Variants in MEIS2 observed in about 807,000 individuals in gnomAD.
MEIS2 encodes the protein Meis homeobox 2, also known as homeobox protein Meis2.
Under a neutral mutation model 58.6 loss-of-function variants are expected in MEIS2, and 9 were observed. The observed-to-expected ratio is 0.15, with a 90% CI of 0.09 to 0.27. The LOEUF is 0.27. Among genes scored for constraint, MEIS2 ranks in the 10% least tolerant of loss-of-function variants. MEIS2 has a pLI of 1.00. For missense variants in MEIS2, 427 were observed against 635.0 expected, an observed-to-expected ratio of 0.67 and a Z score of 3.52; for synonymous variants, 221 against 228.4, an observed-to-expected ratio of 0.97 and a Z score of 0.29.
intron 9 of MEIS2, among the ~76,000 whole-genome samples, chr15:36,914,760 A>G (rs2141277539): frequency 6.6e-6 from 1 of 152,070 alleles, no homozygotes; most frequent in African/African-American, 2.4e-5. Context: ...AAGAAACCTT[A>G]ACCTCTATTT....
At chr15:37,064,960 T>C (rs1889720740) in intron 7 of MEIS2, among the ~76,000 whole-genome samples, 1 of 152,210 alleles carries the variant, frequency 6.6e-6, no homozygotes, top group Non-Finnish European at 1.5e-5. Flanking sequence ...ATGTGCTTTT[T>C]AGATCTTTAG....
intron 9 of MEIS2, chr15:36,896,937 C>G: frequency 2.6e-6 from 1 of 383,072 alleles, no homozygotes; most frequent in Non-Finnish European, 4.7e-6. Context: ...CATGAGAAAG[C>G]TTCTATTAAC....
At chr15:36,934,179 A>G (rs150154443) in intron 9 of MEIS2, among the ~76,000 whole-genome samples, 1 of 152,300 alleles carries the variant, frequency 6.6e-6, no homozygotes. Context: ...GACTAGAGCC[A>G]GGAAGAAATA....
At chr15:37,036,997 CG>C in intron 7 of MEIS2, 38 bp from the exon 8 acceptor site, 1 of 1,566,456 alleles carries the variant, frequency 6.4e-7, no homozygotes, top group Non-Finnish European at 8.6e-7. Context: ...GAGAAAACAT[CG>C]CAAGGTGCCA....
chr15:36,921,811 A>C (rs1047990812), intron 9 of MEIS2, among the ~76,000 whole-genome samples: 6 of 152,248 alleles, frequency 3.9e-5, no homozygotes, highest in Admixed American at 1.3e-4. Flanking sequence ...CAAAGACTCA[A>C]GTGCTGGTTG....
intron 8 of MEIS2, among the ~76,000 whole-genome samples, chr15:36,962,932 GC>G: frequency 6.6e-6 from 1 of 152,196 alleles, no homozygotes; most frequent in Non-Finnish European, 1.5e-5. Context: ...TATTGATTAT[GC>G]TTTATCTAAA....
chr15:36,895,055 AC>A, intron 11 of MEIS2, 95 bp downstream of exon 11: 2 of 1,090,556 alleles, frequency 1.8e-6, no homozygotes, highest in South Asian at 2.9e-5. Context: ...CAAATGTTAA[AC>A]CCACCATGAC....
intron 8 of MEIS2, among the ~76,000 whole-genome samples, chr15:36,995,706 TAAAAAAAA>T (rs71821151): frequency 1.2e-3 from 5 of 4,122 alleles, no homozygotes; most frequent in African/African-American, 5.6e-3. Context: ...TTACAGCTAC[TAAAAAAAA>T]AAAAAAAAAA....
chr15:36,970,384 A>C (rs994311112), intron 8 of MEIS2, among the ~76,000 whole-genome samples: 1 of 149,840 alleles, frequency 6.7e-6, no homozygotes, highest in African/African-American at 2.5e-5. Flanking sequence ...AGCCTGGGCG[A>C]CAGAGCAAGA....
chr15:36,892,530 G>GAAAA, intron 11 of MEIS2, 71 bp from the exon 12 acceptor site: 14 of 528,054 alleles, frequency 2.7e-5, no homozygotes, highest in South Asian at 9.0e-5. Flanking sequence ...CATCAAAGAT[G>GAAAA]AAAAGAAAAA....
At chr15:37,070,577 C>T (rs1028673632) in intron 7 of MEIS2, among the ~76,000 whole-genome samples, 1 of 152,142 alleles carries the variant, frequency 6.6e-6, no homozygotes, top group Non-Finnish European at 1.5e-5. Context: ...CTGCAGCTTT[C>T]AATCTATTTA....
intron 9 of MEIS2, among the ~76,000 whole-genome samples, chr15:36,934,551 C>G (rs1463945527): frequency 6.6e-6 from 1 of 152,186 alleles, no homozygotes; most frequent in Non-Finnish European, 1.5e-5. Context: ...AAATACCGTT[C>G]AACGGGCACC....
At chr15:36,967,318 A>T (rs1466851356) in intron 8 of MEIS2, among the ~76,000 whole-genome samples, 3 of 152,172 alleles carry the variant, frequency 2.0e-5, no homozygotes, top group Non-Finnish European at 4.4e-5. Flanking sequence ...GGGTATGTTA[A>T]TTGAATGAGG....
chr15:37,057,349 T>G (rs1888572008), intron 7 of MEIS2, among the ~76,000 whole-genome samples: 1 of 152,160 alleles, frequency 6.6e-6, no homozygotes, highest in African/African-American at 2.4e-5. Context: ...AACAGAACAG[T>G]TTTTTTCTCA....
chr15:37,094,115 T>C (rs139875386), intron 5 of MEIS2: 4 of 261,164 alleles, frequency 1.5e-5, no homozygotes, highest in Non-Finnish European at 2.9e-5. Context: ...AGGGGTTTCG[T>C]ATGTTTCCAG....
At position 36,933,513 on chromosome 15, in the gene MEIS2, G is replaced by A. The variant is rs188532468; in HGVS notation, c.977+16811C>T. Among the ~76,000 whole-genome samples the A allele has an allele frequency of 5.5e-5, 8 of 146,754 alleles. 1 individual carries two copies. The East Asian group carries it at 1.7e-3, about 31-fold the overall frequency. ...CATTGAGAAATTGATACCTCAGAAA[G>A]AGATAATCCTTTTTAATGAATCCCA... On this transcript the variant is annotated intron_variant, in intron 9 of 11. Transcript: ENST00000561208.
chr15:36,949,152 A>G (rs2058670544), intron 9 of MEIS2, among the ~76,000 whole-genome samples: 1 of 151,800 alleles, frequency 6.6e-6, no homozygotes, highest in Non-Finnish European at 1.5e-5. Flanking sequence ...CATTAAAGTC[A>G]GATAACGGCA....
chr15:36,924,651 A>C (rs1382864195), intron 9 of MEIS2, among the ~76,000 whole-genome samples: 1 of 152,166 alleles, frequency 6.6e-6, no homozygotes. Flanking sequence ...ACCGAACTTG[A>C]CCATGACTGG....
chr15:36,999,794 G>A (rs1170449079), intron 8 of MEIS2, among the ~76,000 whole-genome samples: 1 of 152,218 alleles, frequency 6.6e-6, no homozygotes, highest in Non-Finnish European at 1.5e-5. Context: ...CAGCTATTAT[G>A]TGCTTGGCAC....
Sources: allele counts gnomAD v4.1 joint callset (sites outside exome capture counted in the v4.1 genomes callset), GRCh38; gene constraint gnomAD v4.1.1; transcripts MANE v1.5; gene names NCBI Gene and HGNC (gene_info 2026-07-23, HGNC 2026-07-21).